Variants in FAM167A observed in about 807,000 individuals in gnomAD.
FAM167A encodes the protein protein FAM167A.
Under a neutral mutation model 14.9 loss-of-function variants are expected in FAM167A, and 23 were observed. That is an observed-to-expected ratio of 1.55 (90% CI 1.11 to 2.19). FAM167A has a LOEUF of 2.19. Among genes scored for constraint, FAM167A ranks in the 30% most tolerant of loss-of-function variants. The pLI is 0.00. For missense variants in FAM167A, 401 were observed against 281.5 expected, an observed-to-expected ratio of 1.42 and a Z score of -3.04; for synonymous variants, 174 against 117.7, an observed-to-expected ratio of 1.48 and a Z score of -3.10.
chr8:11,424,662 G>A (rs1489169509), intron 2 of FAM167A, 26 bp from the exon 3 acceptor site: 3 of 1,610,934 alleles, frequency 1.9e-6, no homozygotes, highest in Admixed American at 3.3e-5. Context: ...AGCAGGCAGG[G>A]TCAGCAGAGA....
At chr8:11,444,968 T>G (rs1347514165) in intron 1 of FAM167A, 160 bp from the exon 2 acceptor site, 1 of 692,262 alleles carries the variant, frequency 1.4e-6, no homozygotes, top group Non-Finnish European at 1.8e-6. Context: ...TTTAATGCCT[T>G]AATTCAATGC....
At chr8:11,441,418 G>A (rs1806429171) in intron 2 of FAM167A, among the ~76,000 whole-genome samples, 1 of 152,192 alleles carries the variant, frequency 6.6e-6, no homozygotes, top group Non-Finnish European at 1.5e-5. Context: ...CCAACCAAAG[G>A]GACCAGAATC....
chr8:11,432,004 G>T (rs886151139), intron 2 of FAM167A, among the ~76,000 whole-genome samples: 2 of 151,886 alleles, frequency 1.3e-5, no homozygotes, highest in African/African-American at 2.4e-5. Context: ...CCTGGCAAAG[G>T]CTAGTCTAAC....
rs189482952 is a variant in FAM167A at position 11,422,116 on chromosome 8, G to A, written c.*2257C>T. ...GTGTCTTGATCTTAGTTTCCACCCA[G>A]AGAATGAAGAAAGCAAGCAAGCACT... On this transcript the variant is annotated 3_prime_UTR_variant, in exon 3 of 3. Transcript: ENST00000284486. The A allele has an allele frequency of 1.4e-4, 43 of 297,386 alleles. No homozygotes were observed. The highest frequency in any genetic ancestry group is 8.0e-4 in the African/African-American group (37 of 46,436). The allele number at this position is 297,386 out of a possible 1,614,324, so 18.4% of individuals were successfully genotyped here.
chr8:11,467,636 G>A (rs1426748982), upstream of FAM167A: 1 of 152,396 alleles, frequency 6.6e-6, no homozygotes. Flanking sequence ...TACATGGCCA[G>A]ACGCGAAGCT....
At chr8:11,459,086 T>C (rs963671353) in intron 1 of FAM167A, among the ~76,000 whole-genome samples, 1 of 152,222 alleles carries the variant, frequency 6.6e-6, no homozygotes, top group Admixed American at 6.5e-5. Context: ...TATCACCCAT[T>C]TCTCTATTTC....
At chr8:11,464,044 A>C (rs1011065675) in intron 1 of FAM167A, among the ~76,000 whole-genome samples, 8 of 152,188 alleles carry the variant, frequency 5.3e-5, no homozygotes, top group Admixed American at 3.9e-4. Flanking sequence ...CCACAGGGAG[A>C]CTGGGCTACT....
At chr8:11,452,819 G>T (rs976750152) in intron 1 of FAM167A, among the ~76,000 whole-genome samples, 2 of 152,230 alleles carry the variant, frequency 1.3e-5, no homozygotes, top group African/African-American at 4.8e-5. Flanking sequence ...ACGTTCCCCA[G>T]TGCCAGCACG....
At chr8:11,457,434 C>T (rs1291227047) in intron 1 of FAM167A, among the ~76,000 whole-genome samples, 1 of 151,968 alleles carries the variant, frequency 6.6e-6, no homozygotes. Context: ...ACGCAAACCC[C>T]AGCCTGGGCC....
At chr8:11,427,946 C>A (rs527846112) in intron 2 of FAM167A, among the ~76,000 whole-genome samples, 1 of 152,116 alleles carries the variant, frequency 6.6e-6, no homozygotes, top group Non-Finnish European at 1.5e-5. Context: ...CCTCACTGAG[C>A]CTGGAACGGA....
At chr8:11,463,702 G>C (rs1451957262) in intron 1 of FAM167A, among the ~76,000 whole-genome samples, 3 of 152,228 alleles carry the variant, frequency 2.0e-5, no homozygotes, top group Non-Finnish European at 4.4e-5. Flanking sequence ...CTTTGGATCA[G>C]GATGCCCTGG....
chr8:11,436,268 T>G (rs1806004668), intron 2 of FAM167A, among the ~76,000 whole-genome samples: 1 of 152,148 alleles, frequency 6.6e-6, no homozygotes, highest in African/African-American at 2.4e-5. Context: ...AGCTTGCACA[T>G]GAGGAGGGCC....
intron 1 of FAM167A, among the ~76,000 whole-genome samples, chr8:11,475,223 C>T (rs950598253): frequency 6.6e-6 from 1 of 152,184 alleles, no homozygotes; most frequent in African/African-American, 2.4e-5. Flanking sequence ...CTGGGACCCC[C>T]TCCCTGTGCC....
intron 1 of FAM167A, among the ~76,000 whole-genome samples, chr8:11,460,317 A>G (rs986670728): frequency 4.6e-5 from 7 of 152,182 alleles, no homozygotes; most frequent in African/African-American, 1.7e-4. Flanking sequence ...AAGAGAAAAG[A>G]GTTCCCGACC....
At chr8:11,430,409 CAAG>C (rs988686355) in intron 2 of FAM167A, among the ~76,000 whole-genome samples, 4 of 152,084 alleles carry the variant, frequency 2.6e-5, no homozygotes, top group African/African-American at 7.2e-5. Flanking sequence ...TGGGGGCAGA[CAAG>C]AATGCTCGTT....
At chr8:11,473,355 T>A (rs1169339218) in intron 1 of FAM167A, among the ~76,000 whole-genome samples, 1 of 152,072 alleles carries the variant, frequency 6.6e-6, no homozygotes, top group Non-Finnish European at 1.5e-5. Context: ...AGGCAGGCTT[T>A]GGAGGCAGGA....
chr8:11,430,219 A>G (rs1397133504), intron 2 of FAM167A, among the ~76,000 whole-genome samples: 1 of 152,144 alleles, frequency 6.6e-6, no homozygotes, highest in Non-Finnish European at 1.5e-5. Context: ...AATCCCAGCA[A>G]CCCCATAATT....
intron 2 of FAM167A, among the ~76,000 whole-genome samples, chr8:11,439,956 G>A (rs1211207671): frequency 6.6e-6 from 1 of 152,090 alleles, no homozygotes; most frequent in African/African-American, 2.4e-5. Flanking sequence ...CTGAATTCCG[G>A]ACTCAGCTAG....
intron 2 of FAM167A, chr8:11,434,720 G>T: frequency 4.1e-6 from 1 of 243,752 alleles, no homozygotes; most frequent in Non-Finnish European, 8.1e-6. Context: ...GCCACTAGGG[G>T]CTCTGGGTTC....
Sources: gnomAD v4.1 joint callset for allele counts (sites outside exome capture counted in the v4.1 genomes callset) on GRCh38, gnomAD v4.1.1 for gene constraint, MANE v1.5 for transcripts, NCBI Gene and HGNC (gene_info 2026-07-23, HGNC 2026-07-21) for gene names.